EPM2A: variants seen among roughly 807,000 people sequenced by gnomAD.
The protein encoded by EPM2A is laforin.
In EPM2A, 21 loss-of-function variants were observed where a neutral mutation model predicts 26.5. The observed-to-expected ratio is 0.79, with a 90% confidence interval of 0.56 to 1.14. EPM2A has a LOEUF of 1.14. Among genes scored for constraint, EPM2A ranks in the 50% most tolerant of loss-of-function variants. The pLI is 0.00. For synonymous variants in EPM2A, 217 were observed against 177.6 expected, an observed-to-expected ratio of 1.22 and a Z score of -1.76; for missense variants, 458 against 440.8, an observed-to-expected ratio of 1.04 and a Z score of -0.35.
chr6:145,393,676 C>A (rs1727082210), intron 4 of EPM2A, among the ~76,000 whole-genome samples: 1 of 152,038 alleles, frequency 6.6e-6, no homozygotes, highest in Non-Finnish European at 1.5e-5. Flanking sequence ...CTTTATATGT[C>A]CACCACCCCA....
chr6:145,426,101 T>C (rs968054172), intron 4 of EPM2A, among the ~76,000 whole-genome samples: 5 of 152,358 alleles, frequency 3.3e-5, no homozygotes, highest in East Asian at 1.9e-4. Context: ...GCAGTTTCCA[T>C]TGAACTCTTC....
intron 2 of EPM2A, among the ~76,000 whole-genome samples, chr6:145,589,307 T>C (rs1442894521): frequency 6.6e-6 from 1 of 152,188 alleles, no homozygotes; most frequent in African/African-American, 2.4e-5. Context: ...TTATAAAGTA[T>C]TTTATTTTTA....
intron 2 of EPM2A, among the ~76,000 whole-genome samples, chr6:145,619,721 A>C (rs541293522): frequency 1.6e-4 from 25 of 152,388 alleles, no homozygotes; most frequent in Admixed American, 1.6e-3. Flanking sequence ...TTAAAAAAAA[A>C]ATTTAAGAAC....
chr6:145,501,795 G>T, exon 4 of EPM2A: 1 of 471,142 alleles, frequency 2.1e-6, no homozygotes, highest in South Asian at 1.5e-5. Flanking sequence ...AGGTTAGGGA[G>T]ATATTTGTGT....
At chr6:145,597,473 TTTTC>T (rs1157451026) in intron 2 of EPM2A, among the ~76,000 whole-genome samples, 2,091 of 141,228 alleles carry the variant, frequency 0.015, 29 homozygotes, top group African/African-American at 0.051. Flanking sequence ...GTTTATTTTT[TTTTC>T]TTTTTTTTGG....
chr6:145,672,168 T>G (rs1779692359), intron 2 of EPM2A, among the ~76,000 whole-genome samples: 2 of 152,176 alleles, frequency 1.3e-5, no homozygotes, highest in South Asian at 4.1e-4. Flanking sequence ...AGAAACATAG[T>G]ACAAGCTAAA....
At chr6:145,422,074 T>TAG (rs369003830) in intron 4 of EPM2A, among the ~76,000 whole-genome samples, 13,076 of 132,662 alleles carry the variant, frequency 0.099, 696 homozygotes, top group Admixed American at 0.13. Context: ...TATATATATA[T>TAG]ATAGAGAGAG....
chr6:145,595,618 T>A (rs188911692), intron 2 of EPM2A, among the ~76,000 whole-genome samples: 1 of 152,034 alleles, frequency 6.6e-6, no homozygotes, highest in Non-Finnish European at 1.5e-5. Context: ...GTTTCATTGC[T>A]CTTTTAAATT....
intron 1 of EPM2A, among the ~76,000 whole-genome samples, chr6:145,693,609 GC>G (rs1357101276): frequency 6.6e-6 from 1 of 151,866 alleles, no homozygotes; most frequent in Non-Finnish European, 1.5e-5. Context: ...CACACTAAAA[GC>G]CTAGACTTCA....
chr6:145,660,507 A>G (rs972073035), intron 2 of EPM2A, among the ~76,000 whole-genome samples: 2 of 152,200 alleles, frequency 1.3e-5, no homozygotes, highest in Admixed American at 1.3e-4. Flanking sequence ...TAGGCACTCA[A>G]AAAACATTTG....
intron 4 of EPM2A, among the ~76,000 whole-genome samples, chr6:145,444,966 C>T (rs980094917): frequency 4.6e-5 from 7 of 151,622 alleles, no homozygotes; most frequent in African/African-American, 1.5e-4. Context: ...GTGTGTGTTC[C>T]ATTAGTTTAG....
intron 4 of EPM2A, among the ~76,000 whole-genome samples, chr6:145,433,240 A>C (rs1778944610): frequency 6.6e-6 from 1 of 152,174 alleles, no homozygotes; most frequent in African/African-American, 2.4e-5. Context: ...GGTACAAGAG[A>C]CCTAGCTTTT....
intron 2 of EPM2A, among the ~76,000 whole-genome samples, chr6:145,505,253 A>AT (rs1158924816): frequency 6.6e-6 from 1 of 152,026 alleles, no homozygotes; most frequent in Non-Finnish European, 1.5e-5. Flanking sequence ...AATTAAAAAA[A>AT]AAAATTTATT....
At chr6:145,670,872 C>G in intron 2 of EPM2A, 1 of 983,300 alleles carries the variant, frequency 1.0e-6, no homozygotes, top group Non-Finnish European at 1.2e-6. Context: ...TTAGAGAACT[C>G]TCACACGCCC....
chr6:145,459,885 AG>A (rs1373109335), intron 4 of EPM2A, among the ~76,000 whole-genome samples: 6 of 152,212 alleles, frequency 3.9e-5, no homozygotes, highest in African/African-American at 7.2e-5. Flanking sequence ...ATCATGCAAC[AG>A]CTGAAAAAGG....
At position 145,577,918 on chromosome 6, in the gene EPM2A, G is replaced by A. The variant is rs1781056814; in HGVS notation, c.340+57327C>T. 2.0e-5 allele frequency among the ~76,000 whole-genome samples: 3 copies of A among 152,018 alleles called. No individual in the cohort carries two copies. The South Asian group carries it at 6.2e-4, about 31-fold the overall frequency. On this transcript the variant is annotated intron_variant, in intron 2 of 3. Coordinates refer to the EPM2A transcript ENST00000450221. ...GAGGAACTTTGGAAACTATAAAAAT[G>A]TGTGAAAATTAAACAACATGCTACT... is the stretch of plus-strand genomic sequence containing the variant.
intron 2 of EPM2A, among the ~76,000 whole-genome samples, chr6:145,677,630 C>T (rs536857224): frequency 1.3e-5 from 2 of 152,264 alleles, no homozygotes; most frequent in African/African-American, 2.4e-5. Flanking sequence ...AATTCCTATA[C>T]ACGAATAATA....
chr6:145,686,190 G>C lies in EPM2A; in HGVS notation c.408C>G (p.Thr136=). ...IGHWIEATGH[T]NEMKHTTDFY... ...AGTCTGTTGTGTGCTTCATTTCATT[G>C]GTGTGCCCAGTGGCCTCAATCCAGT... Residue 136 remains threonine (T), a synonymous_variant, in exon 2 of 4, where the codon ACC becomes ACG. Transcript: ENST00000367519. 1.2e-6 allele frequency: 2 copies of C among 1,613,668 alleles called. No individual in the cohort carries two copies. Among genetic ancestry groups the C allele is most frequent in the Non-Finnish European group, 1.7e-6 (2 of 1,179,756 alleles).
chr6:145,408,283 C>T (rs1778596930), intron 4 of EPM2A, among the ~76,000 whole-genome samples: 1 of 152,152 alleles, frequency 6.6e-6, no homozygotes, highest in Non-Finnish European at 1.5e-5. Flanking sequence ...AGGAGGATGA[C>T]CAGTAACAGC....
Sources: allele counts gnomAD v4.1 joint callset (sites outside exome capture counted in the v4.1 genomes callset), GRCh38; gene constraint gnomAD v4.1.1; transcripts MANE v1.5; gene names NCBI Gene and HGNC (gene_info 2026-07-23, HGNC 2026-07-21).